RGSL1: variants seen among roughly 807,000 people sequenced by gnomAD.
RGSL1 encodes the protein regulator of G protein signaling protein-like.
Under a neutral mutation model 124.7 loss-of-function variants are expected in RGSL1, and 97 were observed. That is an observed-to-expected ratio of 0.78 (90% CI 0.66 to 0.92). The LOEUF is 0.92. RGSL1 is among the 40% of genes least tolerant of loss of function. The probability of loss-of-function intolerance (pLI) is 0.00; values close to 1 mark genes in which losing one functional copy is unlikely to be tolerated. For missense variants in RGSL1, 1,233 were observed against 1,288.4 expected, an observed-to-expected ratio of 0.96 and a Z score of 0.66; for synonymous variants, 424 against 438.1, an observed-to-expected ratio of 0.97 and a Z score of 0.40.
chr1:182,502,236 A>C (rs1291510132), intron 9 of RGSL1, among the ~76,000 whole-genome samples: 1 of 151,908 alleles, frequency 6.6e-6, no homozygotes, highest in Non-Finnish European at 1.5e-5. Context: ...TCTACTCCCT[A>C]TTTTGTCTGT....
chr1:182,471,146 G>C, intron 4 of RGSL1: 1 of 391,774 alleles, frequency 2.6e-6, no homozygotes. Flanking sequence ...CACATAATCT[G>C]GACCCTGCTC....
In RGSL1 at chr1:182,548,755, A is replaced by G. The variant is rs1055560268; in HGVS notation, c.2864A>G (p.Tyr955Cys). 9.0e-6 allele frequency: 14 copies of G among 1,551,484 alleles called. No individual in the cohort carries two copies. In the Admixed American group the frequency reaches 1.2e-4, roughly 13 times the overall value. ...ATCCTTGCTGCCATCACAGAGGGCT[A>G]CCTAGATCGGAGCGTCTTCCATGGG... ...DAILAAITEG[Y>C]LDRSVFHGAI... Residue 955 changes from tyrosine (Y) to cysteine (C), a missense_variant, in exon 17 of 22, where the codon TAC (tyrosine) becomes TGC (cysteine). Transcript: ENST00000294854.
At chr1:182,527,849 C>T in intron 11 of RGSL1, 77 bp downstream of exon 11, 1 of 1,243,474 alleles carries the variant, frequency 8.0e-7, no homozygotes, top group African/African-American at 1.5e-5. Flanking sequence ...TAGCCTACCT[C>T]ATGTGAGCCC....
At chr1:182,548,939 ACTAAGATGGTGTTTT>A in intron 17 of RGSL1, 115 bp downstream of exon 17, 1 of 1,301,866 alleles carries the variant, frequency 7.7e-7, no homozygotes, top group Non-Finnish European at 1.0e-6. Context: ...TCTAGGGGGA[ACTAAGATGGTGTTTT>A]CAAAATCCTA....
At chr1:182,530,428 C>A in intron 12 of RGSL1, 67 bp downstream of exon 12, 2 of 1,200,428 alleles carry the variant, frequency 1.7e-6, no homozygotes, top group East Asian at 2.6e-5. Flanking sequence ...AAGCCATATG[C>A]ATCAAGGGTT....
chr1:182,466,633 A>G (rs1653353205), intron 4 of RGSL1, among the ~76,000 whole-genome samples: 1 of 152,330 alleles, frequency 6.6e-6, no homozygotes, highest in South Asian at 2.1e-4. Flanking sequence ...GAGGTGAAAG[A>G]CTTGCACAAT....
In RGSL1 at chr1:182,492,328, A is replaced by G. The variant is rs552624737; in HGVS notation, c.1718-694A>G. On this transcript the variant is annotated intron_variant, in intron 8 of 21. Transcript: ENST00000294854. ...GGCAAAAACCCGTCTCTGCAAAAGAACACATACATTTGCTACTCAATCCCT... is the reference window on the plus strand; with the variant it reads ...GGCAAAAACCCGTCTCTGCAAAAGAGCACATACATTTGCTACTCAATCCCT... Among the ~76,000 whole-genome samples, 8 of 152,324 alleles carry G rather than the reference A, an allele frequency of 5.3e-5. No individual in the cohort carries two copies. In the East Asian group the frequency reaches 1.5e-3, roughly 29 times the overall value.
In RGSL1 at chr1:182,455,531, G is replaced by A. The variant is rs529053645; in HGVS notation, c.96+1491G>A. On this transcript the variant is annotated intron_variant, in intron 2 of 21. Transcript: ENST00000294854. ...CAGGAGGCGGAGGTTGCAGTGAGCC[G>A]AGATTGCACCACTGCACTCCAGCCT... Among the ~76,000 whole-genome samples, 5 of 151,938 alleles carry A rather than the reference G, an allele frequency of 3.3e-5. No homozygotes were observed. The South Asian group carries it at 6.2e-4, about 19-fold the overall frequency.
chr1:182,491,023 T>G (rs528635342), intron 8 of RGSL1, among the ~76,000 whole-genome samples: 31 of 149,082 alleles, frequency 2.1e-4, no homozygotes, highest in Admixed American at 1.8e-3. Flanking sequence ...CCTAAGTTGG[T>G]GGGACTACAG....
In RGSL1 at chr1:182,530,873, C is replaced by T; in HGVS notation, c.2327C>T (p.Pro776Leu). 1 of 1,549,838 alleles carries T rather than the reference C, an allele frequency of 6.5e-7. No homozygotes were observed. Residue 776 changes from proline to leucine, a missense_variant, in exon 13 of 22, where the codon CCC becomes CTC. Transcript: ENST00000294854. ...GAAGTACAAATTTCGTCTAGGAAGCCCTCAAAGATAGTGTCAACTTACCTA... is the reference window on the plus strand; with the variant it reads ...GAAGTACAAATTTCGTCTAGGAAGCTCTCAAAGATAGTGTCAACTTACCTA... ...QSEVQISSRK[P>L]SKIVSTYLQE...
intron 15 of RGSL1, among the ~76,000 whole-genome samples, chr1:182,542,337 G>C (rs1017624286): frequency 2.6e-5 from 4 of 152,042 alleles, no homozygotes; most frequent in African/African-American, 9.7e-5. Flanking sequence ...CCCCCATTGC[G>C]CATTCTTGCC....
chr1:182,522,050 A>G lies in RGSL1; in HGVS notation c.1872A>G (p.Ser624=). The part of the protein sequence containing the change: ...IIKETKTVSR[S]NRKMSLLKRT... ...AGGAAACAAAGACAGTTTCACGCTC[A>G]AATAGGAAAATGTCCTTGCTCAAAA... Residue 624 remains serine, a synonymous_variant, in exon 10 of 22, where the codon TCA becomes TCG. Coordinates refer to ENST00000294854, the MANE Select transcript of RGSL1 (RefSeq NM_001137669.2). 17 of 1,549,460 alleles carry G rather than the reference A, an allele frequency of 1.1e-5. No homozygotes were observed. Among genetic ancestry groups the G allele is most frequent in the Non-Finnish European group, 1.5e-5 (17 of 1,146,352 alleles).
chr1:182,508,973 G>A (rs1657077609), intron 9 of RGSL1, among the ~76,000 whole-genome samples: 2 of 50,026 alleles, frequency 4.0e-5, no homozygotes, highest in South Asian at 1.3e-3. Context: ...AGTGGACACA[G>A]CACATGTTTC....
At position 182,474,025 on chromosome 1, in the gene RGSL1, T is replaced by A. The variant is rs199729692; in HGVS notation, c.914T>A (p.Ile305Asn). The A allele has an allele frequency of 1.3e-6, 2 of 1,551,626 alleles. No homozygotes were observed. Among genetic ancestry groups the A allele is most frequent in the Non-Finnish European group, 1.7e-6 (2 of 1,147,010 alleles). The change falls in exon 6 of 22, where the codon ATC becomes AAC. Residue 305 changes from isoleucine (I) to asparagine (N), a missense_variant. Physicochemically the swap from Ile to Asn is moderately radical, Grantham distance 149. Coordinates refer to ENST00000294854, the MANE Select transcript of RGSL1 (RefSeq NM_001137669.2). ...ATGGCTTCTTCAAAGGAAACAAGAA[T>A]CAGTTCCCTGGAAAAGGATATGCAT... ...LKMASSKETRISSLEKDMHYA... is the reference protein window; with the variant it reads ...LKMASSKETRNSSLEKDMHYA...
chr1:182,456,868 T>G (rs1350021893), intron 2 of RGSL1, among the ~76,000 whole-genome samples: 1 of 152,082 alleles, frequency 6.6e-6, no homozygotes, highest in African/African-American at 2.4e-5. Context: ...CCAACGGATC[T>G]CAGAAGTTAA....
intron 9 of RGSL1, among the ~76,000 whole-genome samples, chr1:182,503,456 G>A (rs961823560): frequency 1.8e-4 from 28 of 152,242 alleles, no homozygotes; most frequent in Admixed American, 5.9e-4. Context: ...ATTATGTTAA[G>A]TGAAATAAGC....
In RGSL1 at chr1:182,527,495, A is replaced by G. The variant is rs537453405; in HGVS notation, c.1932-84A>G. 10 of 1,189,834 alleles carry G rather than the reference A, an allele frequency of 8.4e-6. No homozygotes were observed. In the East Asian group the frequency reaches 1.5e-4, roughly 18 times the overall value. 73.7% of individuals were successfully genotyped at this position (1,189,834 alleles called of 1,614,324 possible). ...GGCTAAAGGCCTTATAGCCTGGTCAATGCACTTCCCCATTTCCTAATTGAA... is the reference window on the plus strand; with the variant it reads ...GGCTAAAGGCCTTATAGCCTGGTCAGTGCACTTCCCCATTTCCTAATTGAA... On this transcript the variant is annotated intron_variant, in intron 10 of 21. Transcript: ENST00000294854.
rs373284995 is a variant in RGSL1, at chr1:182,552,168, C to A, written c.3043+959C>A. Reference sequence around the variant, plus strand: ...TCGCTCTGTGGCCCAGGCTGGAGTGCAGGGGCGCAATCTCGGCTCACTGCA... The same window carrying A: ...TCGCTCTGTGGCCCAGGCTGGAGTGAAGGGGCGCAATCTCGGCTCACTGCA... On this transcript the variant is annotated intron_variant, in intron 18 of 21. Transcript: ENST00000294854. Among the ~76,000 whole-genome samples, 5 of 150,948 alleles carry A rather than the reference C, an allele frequency of 3.3e-5. No individual in the cohort carries two copies. The East Asian group carries it at 7.8e-4, about 24-fold the overall frequency.
chr1:182,550,238 G>A (rs751508264), intron 17 of RGSL1: 3 of 152,108 alleles, frequency 2.0e-5, no homozygotes, highest in Admixed American at 6.5e-5. Context: ...CTTGGTAAGT[G>A]GTAAAACCAG....
Sources: allele counts gnomAD v4.1 joint callset (sites outside exome capture counted in the v4.1 genomes callset), GRCh38; gene constraint gnomAD v4.1.1; transcripts MANE v1.5; gene names NCBI Gene and HGNC (gene_info 2026-07-23, HGNC 2026-07-21).